Variants in EXOC4 observed in about 807,000 individuals in gnomAD.
EXOC4 encodes the protein exocyst complex component 4, also known as SEC8-like 1.
Under a neutral mutation model 107.2 loss-of-function variants are expected in EXOC4, and 71 were observed. The observed-to-expected ratio is 0.66, with a 90% confidence interval of 0.55 to 0.81. EXOC4 has a LOEUF of 0.81. Ranked by LOEUF, EXOC4 falls within the 30% of genes least tolerant of loss-of-function variation. EXOC4 has a pLI of 0.00. For missense variants in EXOC4, 1,108 were observed against 1,189.6 expected (o/e 0.93, Z 1.01); for synonymous variants, 456 against 441.2 (o/e 1.03, Z -0.42).
intron 11 of EXOC4, among the ~76,000 whole-genome samples, chr7:133,864,869 C>A (rs183389293): frequency 1.8e-4 from 28 of 152,162 alleles, no homozygotes; most frequent in African/African-American, 5.5e-4. Context: ...CACCTTTGTC[C>A]CCATGAGCCC....
chr7:133,613,240 A>C (rs1802113741), intron 9 of EXOC4, among the ~76,000 whole-genome samples: 1 of 152,204 alleles, frequency 6.6e-6, no homozygotes, highest in African/African-American at 2.4e-5. Context: ...TGCCATTCAC[A>C]GTAGAAAGAA....
At chr7:133,486,406 T>G (rs1242552794) in intron 9 of EXOC4, among the ~76,000 whole-genome samples, 1 of 152,220 alleles carries the variant, frequency 6.6e-6, no homozygotes, top group Non-Finnish European at 1.5e-5. Context: ...AATATTTCAC[T>G]TTTGCACACA....
chr7:133,747,733 A>G (rs1391768521), intron 10 of EXOC4, among the ~76,000 whole-genome samples: 1 of 152,110 alleles, frequency 6.6e-6, no homozygotes, highest in Non-Finnish European at 1.5e-5. Flanking sequence ...TTTGCTCCTC[A>G]GAGGATCCAA....
chr7:133,485,307 T>G (rs1799249836), intron 9 of EXOC4, among the ~76,000 whole-genome samples: 1 of 151,872 alleles, frequency 6.6e-6, no homozygotes, highest in Admixed American at 6.6e-5. Flanking sequence ...GACATTCATT[T>G]CACTTGATCT....
In EXOC4 at chr7:133,274,989, T is replaced by C; in HGVS notation, c.94T>C (p.Ser32Pro). 1 of 1,607,344 alleles carries C rather than the reference T, an allele frequency of 6.2e-7. No homozygotes were observed. The highest frequency in any genetic ancestry group is 8.5e-7 in the Non-Finnish European group (1 of 1,176,620). ...ACTCTCTGCCTTCACCAGGACTCTG[T>C]CTACTAGTGACGATGTCGAAGACAG... ...GLLISVIRTL[S>P]TSDDVEDREN... Residue 32 changes from serine (S) to proline (P), a missense_variant, in exon 2 of 18, where the codon TCT becomes CCT. Physicochemically the swap from Ser to Pro is moderately conservative, Grantham distance 74 (BLOSUM62 -1). Transcript: ENST00000253861.
chr7:133,339,657 A>G (rs187157816), intron 5 of EXOC4, among the ~76,000 whole-genome samples: 2 of 152,224 alleles, frequency 1.3e-5, no homozygotes, highest in Admixed American at 6.5e-5. Context: ...ATGTGTTTCC[A>G]TTTGTTTGTG....
chr7:133,682,869 C>T (rs576056063), intron 10 of EXOC4, among the ~76,000 whole-genome samples: 42 of 152,240 alleles, frequency 2.8e-4, no homozygotes, highest in African/African-American at 9.9e-4. Context: ...TCTCAAGTAC[C>T]GATACGTGCT....
chr7:133,611,690 G>C (rs532992008), intron 9 of EXOC4, among the ~76,000 whole-genome samples: 1 of 151,962 alleles, frequency 6.6e-6, no homozygotes, highest in South Asian at 2.1e-4. Flanking sequence ...ATTCTTTACA[G>C]ACTAACTCCT....
At chr7:133,737,850 C>G (rs1196815753) in intron 10 of EXOC4, among the ~76,000 whole-genome samples, 11 of 150,740 alleles carry the variant, frequency 7.3e-5, no homozygotes, top group Non-Finnish European at 4.4e-5. Context: ...AAGTTGGACC[C>G]ATATACTTTT....
At chr7:133,844,802 G>A (rs1798091899) in intron 11 of EXOC4, among the ~76,000 whole-genome samples, 1 of 151,824 alleles carries the variant, frequency 6.6e-6, no homozygotes, top group South Asian at 2.1e-4. Flanking sequence ...CTCAACTCAG[G>A]TGTTTGTAAC....
chr7:133,702,001 T>C (rs899094531), intron 10 of EXOC4, among the ~76,000 whole-genome samples: 23 of 136,060 alleles, frequency 1.7e-4, no homozygotes, highest in African/African-American at 4.9e-4. Context: ...TTCTTTCTTT[T>C]TTTTTTTTTT....
At chr7:133,822,013 T>C (rs1214339083) in intron 11 of EXOC4, among the ~76,000 whole-genome samples, 3 of 152,242 alleles carry the variant, frequency 2.0e-5, no homozygotes, top group South Asian at 2.1e-4. Context: ...ACAGTTCTTA[T>C]GCCTCTAATG....
intron 6 of EXOC4, among the ~76,000 whole-genome samples, chr7:133,369,437 G>A (rs1796315179): frequency 6.6e-6 from 1 of 152,038 alleles, no homozygotes; most frequent in African/African-American, 2.4e-5. Flanking sequence ...AAGGTCACTG[G>A]GGACCTTAAG....
chr7:133,419,558 A>G (rs1295488908), intron 7 of EXOC4, among the ~76,000 whole-genome samples: 1 of 152,126 alleles, frequency 6.6e-6, no homozygotes, highest in Non-Finnish European at 1.5e-5. Flanking sequence ...CCAACACTCA[A>G]GTATTTATTT....
chr7:134,042,679 T>C (rs1421366212), intron 17 of EXOC4, among the ~76,000 whole-genome samples: 1 of 152,194 alleles, frequency 6.6e-6, no homozygotes, highest in Non-Finnish European at 1.5e-5. Flanking sequence ...TGATTAGCTG[T>C]GTGACCTGGA....
chr7:133,710,196 G>A lies in EXOC4; in HGVS notation c.1514+80055G>A, dbSNP rs527788995. 1.1e-4 allele frequency among the ~76,000 whole-genome samples: 16 copies of A among 152,118 alleles called. 1 individual carries two copies. In the East Asian group the frequency reaches 2.9e-3, roughly 28 times the overall value. On this transcript the variant is annotated intron_variant, in intron 10 of 17. Coordinates refer to ENST00000253861, the MANE Select transcript of EXOC4 (RefSeq NM_021807.4). ...TAGTCTGGGCTTCTATCACAGGGTG[G>A]GACAGACCTTGGAGATATGCTGTCT...
chr7:133,813,534 G>A (rs1797287710), intron 10 of EXOC4, among the ~76,000 whole-genome samples: 1 of 152,102 alleles, frequency 6.6e-6, no homozygotes, highest in Non-Finnish European at 1.5e-5. Context: ...GATGCACCTG[G>A]GTAGAGTATC....
intron 10 of EXOC4, among the ~76,000 whole-genome samples, chr7:133,636,463 C>A (rs1052464108): frequency 4.6e-5 from 7 of 152,142 alleles, no homozygotes; most frequent in Admixed American, 2.6e-4. Flanking sequence ...TGGAGAATTG[C>A]TGCTTATTTG....
At chr7:134,093,512 T>A in the EXOC4 span, among the ~76,000 whole-genome samples, 1 of 152,080 alleles carries the variant, frequency 6.6e-6, no homozygotes, top group East Asian at 1.9e-4. Context: ...ATTACACAGG[T>A]CATCGAGGAA....
Sources: gnomAD v4.1 joint callset for allele counts (sites outside exome capture counted in the v4.1 genomes callset) on GRCh38, gnomAD v4.1.1 for gene constraint, MANE v1.5 for transcripts, NCBI Gene and HGNC (gene_info 2026-07-23, HGNC 2026-07-21) for gene names.